AGBL1: variants seen among roughly 807,000 people sequenced by gnomAD.
AGBL1 encodes AGBL carboxypeptidase 1.
Under a neutral mutation model 118.9 loss-of-function variants are expected in AGBL1, and 130 were observed. That is an observed-to-expected ratio of 1.09 (90% CI 0.95 to 1.26). AGBL1 has a LOEUF of 1.26. Among genes scored for constraint, AGBL1 ranks in the 50% most tolerant of loss-of-function variants. The pLI, the probability that AGBL1 is intolerant of heterozygous loss-of-function variation, is 0.00. For synonymous variants in AGBL1, 555 were observed against 478.9 expected, an observed-to-expected ratio of 1.16 and a Z score of -2.08; for missense variants, 1,584 against 1,298.1, an observed-to-expected ratio of 1.22 and a Z score of -3.38.
intron 22 of AGBL1, among the ~76,000 whole-genome samples, chr15:86,684,953 G>A (rs1233252779): frequency 2.0e-5 from 3 of 152,134 alleles, no homozygotes; most frequent in Non-Finnish European, 4.4e-5. Context: ...TTATTTTTAT[G>A]TTGACTGGAT....
intron 18 of AGBL1, among the ~76,000 whole-genome samples, chr15:86,425,541 A>G (rs1194584856): frequency 6.6e-6 from 1 of 152,166 alleles, no homozygotes; most frequent in Non-Finnish European, 1.5e-5. Context: ...AGTATAATTA[A>G]AAAAACCCAG....
intron 18 of AGBL1, among the ~76,000 whole-genome samples, chr15:86,413,077 A>G (rs369432879): frequency 2.0e-5 from 3 of 152,274 alleles, no homozygotes; most frequent in South Asian, 4.1e-4. Context: ...CCCACTAACA[A>G]CTACATTATA....
chr15:86,422,972 G>A (rs1001325013), intron 18 of AGBL1, among the ~76,000 whole-genome samples: 2 of 152,166 alleles, frequency 1.3e-5, no homozygotes, highest in Admixed American at 6.5e-5. Context: ...AACAGTCCAG[G>A]ACTGGACAGA....
At chr15:86,479,608 A>G (rs1182949015) in intron 18 of AGBL1, among the ~76,000 whole-genome samples, 2 of 152,232 alleles carry the variant, frequency 1.3e-5, no homozygotes, top group East Asian at 3.8e-4. Flanking sequence ...GTGGAGAAAT[A>G]GGAACACTTT....
chr15:86,502,316 T>C (rs541905717), intron 18 of AGBL1, among the ~76,000 whole-genome samples: 179 of 151,590 alleles, frequency 1.2e-3, no homozygotes, highest in Non-Finnish European at 2.3e-3. Flanking sequence ...AACTAGTTTA[T>C]TACCTCTAAT....
intron 23 of AGBL1, among the ~76,000 whole-genome samples, chr15:86,944,142 G>A (rs910046040): frequency 5.3e-5 from 8 of 151,964 alleles, no homozygotes; most frequent in African/African-American, 1.2e-4. Flanking sequence ...AGGCTGAGGC[G>A]GGCGGATCAC....
chr15:86,483,391 C>T (rs896952709), intron 18 of AGBL1, among the ~76,000 whole-genome samples: 1 of 151,930 alleles, frequency 6.6e-6, no homozygotes, highest in African/African-American at 2.4e-5. Flanking sequence ...GATGGTGGAG[C>T]CAGTCTTTCC....
Position 86,286,764 on chromosome 15 carries a change from C to T in AGBL1, c.2220+6981C>T, listed in dbSNP as rs535303434. Among the ~76,000 whole-genome samples the T allele has an allele frequency of 7.1e-3, 672 of 94,032 alleles. 8 individuals are homozygous for T. The highest frequency in any genetic ancestry group is 0.029 in the African/African-American group (638 of 21,778). 61.7% of individuals were successfully genotyped at this position (94,032 alleles called of 152,430 possible). A position where few individuals can be genotyped will look rare whatever the true frequency, so the allele number is the denominator to read the frequency against. ...ATATATATATAAAACTCCATCAATG[C>T]GCACTGTGGTCGTTTCCATATCTTG... On this transcript the variant is annotated intron_variant, in intron 16 of 22. Transcript: ENST00000614907.
intron 1 of AGBL1, among the ~76,000 whole-genome samples, chr15:86,133,792 G>T (rs1489470672): frequency 9.9e-5 from 15 of 152,050 alleles, no homozygotes; most frequent in Admixed American, 9.8e-4. Flanking sequence ...TTGTTTTCAA[G>T]GTTCCATCTA....
chr15:86,440,380 C>A (rs2082047957), intron 18 of AGBL1, among the ~76,000 whole-genome samples: 1 of 151,632 alleles, frequency 6.6e-6, no homozygotes, highest in South Asian at 2.1e-4. Flanking sequence ...TTGTAAAAGC[C>A]TTTTTAGATC....
chr15:86,200,774 G>A (rs547138215), intron 5 of AGBL1, among the ~76,000 whole-genome samples: 3 of 151,578 alleles, frequency 2.0e-5, no homozygotes, highest in South Asian at 2.1e-4. Context: ...CTGCCACCAC[G>A]CCCGGCTAAT....
chr15:86,968,460 G>A (rs575158357), intron 23 of AGBL1, among the ~76,000 whole-genome samples: 54 of 152,016 alleles, frequency 3.6e-4, no homozygotes, highest in African/African-American at 1.2e-3. Flanking sequence ...TTTTGCAATG[G>A]ATAGAAATGG....
intron 1 of AGBL1, among the ~76,000 whole-genome samples, chr15:86,108,371 A>G (rs1897172640): frequency 6.6e-6 from 1 of 152,240 alleles, no homozygotes; most frequent in Non-Finnish European, 1.5e-5. Flanking sequence ...ATAGATAAAT[A>G]GATAGATACA....
chr15:86,268,391 C>T (rs1406817890), intron 13 of AGBL1, among the ~76,000 whole-genome samples: 1 of 152,158 alleles, frequency 6.6e-6, no homozygotes, highest in African/African-American at 2.4e-5. Context: ...TATTTCTTCT[C>T]TCCAGATATC....
chr15:86,398,481 A>T (rs2081399735), intron 18 of AGBL1, among the ~76,000 whole-genome samples: 1 of 152,170 alleles, frequency 6.6e-6, no homozygotes. Context: ...CAAAACCTAC[A>T]ATGGAAAATG....
At chr15:86,806,884 C>T (rs1040298026) in intron 22 of AGBL1, among the ~76,000 whole-genome samples, 2 of 151,680 alleles carry the variant, frequency 1.3e-5, no homozygotes, top group African/African-American at 2.4e-5. Flanking sequence ...GTGTTATATA[C>T]AATACGTGAT....
intron 11 of AGBL1, among the ~76,000 whole-genome samples, chr15:86,265,622 G>A (rs1252922797): frequency 2.0e-5 from 3 of 152,048 alleles, no homozygotes; most frequent in Admixed American, 6.6e-5. Flanking sequence ...TCCCACTTGG[G>A]GTCCTGGCTG....
rs1157175739 is a variant in AGBL1, at chr15:86,915,389, G to A, written c.*8095G>A. On this transcript the variant is annotated 3_prime_UTR_variant, in exon 23 of 23. Coordinates refer to ENST00000614907, the MANE Select transcript of AGBL1 (RefSeq NM_001386094.1). ...GATCCAGCCACTACGTAATTTTCTG[G>A]TCTCTTCTCTTGACATCAGCCCCTG... 1.3e-5 allele frequency: 2 copies of A among 152,172 alleles called. No homozygotes were observed. Among genetic ancestry groups the A allele is most frequent in the South Asian group, 2.1e-4 (1 of 4,828 alleles). The allele number at this position is 152,172 out of a possible 1,614,324, so 9.4% of individuals were successfully genotyped here.
chr15:86,783,601 C>T (rs973065608), intron 22 of AGBL1, among the ~76,000 whole-genome samples: 21 of 152,132 alleles, frequency 1.4e-4, no homozygotes, highest in African/African-American at 5.1e-4. Flanking sequence ...GAGGAACACA[C>T]TGTGAGGTTC....
Sources: allele counts gnomAD v4.1 joint callset (sites outside exome capture counted in the v4.1 genomes callset), GRCh38; gene constraint gnomAD v4.1.1; transcripts MANE v1.5; gene names NCBI Gene and HGNC (gene_info 2026-07-23, HGNC 2026-07-21).